DNAAF5: variants seen among roughly 807,000 people sequenced by gnomAD.
DNAAF5 encodes the protein HEAT repeat containing 2.
A neutral mutation model predicts 75.8 loss-of-function variants in DNAAF5; 64 were observed. That is an observed-to-expected ratio of 0.84 (90% CI 0.69 to 1.04). The LOEUF is 1.04. Among genes scored for constraint, DNAAF5 ranks in the 50% least tolerant of loss-of-function variants. The probability of loss-of-function intolerance (pLI) is 0.00; values close to 1 mark genes in which losing one functional copy is unlikely to be tolerated. For synonymous variants in DNAAF5, 657 were observed against 557.2 expected, an observed-to-expected ratio of 1.18 and a Z score of -2.52; for missense variants, 1,269 against 1,178.5, an observed-to-expected ratio of 1.08 and a Z score of -1.12.
Position 740,538 on chromosome 7 carries a change from G to T in DNAAF5, c.781-281G>T, listed in dbSNP as rs553054013. ...CGCCAACAGGACCAGGCCGGGGCAC[G>T]GGGTATGTGTGTGTGAGCCTGCAGG... On this transcript the variant is annotated intron_variant, in intron 2 of 12. Coordinates refer to ENST00000297440, the MANE Select transcript of DNAAF5 (RefSeq NM_017802.4). Among the ~76,000 whole-genome samples, 972 of 152,314 alleles carry T rather than the reference G, an allele frequency of 6.4e-3. 13 individuals are homozygous for T. The highest frequency in any genetic ancestry group is 0.022 in the African/African-American group (932 of 41,578).
chr7:774,005 A>T, intron 9 of DNAAF5, 43 bp from the exon 10 acceptor site: 5 of 1,612,152 alleles, frequency 3.1e-6, no homozygotes, highest in Non-Finnish European at 4.2e-6. Context: ...TCTTCCGAGC[A>T]CCTGTCCGGT....
chr7:761,631 C>A, intron 6 of DNAAF5, 122 bp from the exon 7 acceptor site: 1 of 994,350 alleles, frequency 1.0e-6, no homozygotes, highest in Non-Finnish European at 1.4e-6. Flanking sequence ...TGATTCAGTT[C>A]CCTCCCACAG....
chr7:775,074 G>A lies in DNAAF5; in HGVS notation c.2151G>A (p.Thr717=), dbSNP rs199762403. Residue 717 remains threonine (T), a synonymous_variant, in exon 11 of 13, where the codon ACG becomes ACA. Transcript: ENST00000297440. ...CCCTGGAGGAGGATTCGAAGATGAC[G>A]CGACTGATCTCATGCCGTATTATCA... ...LTTLEEDSKM[T]RLISCRIINT... is the part of the protein sequence containing the mutation. 17 of 1,614,016 alleles carry A rather than the reference G, an allele frequency of 1.1e-5. No homozygotes were observed. Among genetic ancestry groups the A allele is most frequent in the South Asian group, 2.2e-5 (2 of 91,072 alleles).
intron 12 of DNAAF5, among the ~76,000 whole-genome samples, chr7:782,757 C>G: frequency 7.1e-6 from 1 of 141,266 alleles, no homozygotes; most frequent in East Asian, 2.2e-4. Context: ...GCGTCAGAAA[C>G]TCGATCTTCC....
At chr7:728,995 CTT>C (rs398003363) in intron 1 of DNAAF5, among the ~76,000 whole-genome samples, 15 of 125,540 alleles carry the variant, frequency 1.2e-4, no homozygotes, top group African/African-American at 1.8e-4. Context: ...TTGGTTCTGA[CTT>C]TTTTTTTTTT....
At chr7:783,075 C>T (rs111817573) in intron 12 of DNAAF5, among the ~76,000 whole-genome samples, 1,997 of 152,366 alleles carry the variant, frequency 0.013, 48 homozygotes, top group African/African-American at 0.042. Context: ...TGTGTGAGAG[C>T]TTGACTTGTA....
intron 1 of DNAAF5, among the ~76,000 whole-genome samples, chr7:729,059 C>T (rs935203012): frequency 2.2e-5 from 3 of 137,618 alleles, no homozygotes; most frequent in South Asian, 4.6e-4. Context: ...TGCAGTGGGG[C>T]GATCTCAGCT....
intron 12 of DNAAF5, among the ~76,000 whole-genome samples, chr7:782,679 C>T (rs112692105): frequency 8.9e-6 from 1 of 112,324 alleles, no homozygotes; most frequent in Admixed American, 8.4e-5. Context: ...ATCTTCCTGG[C>T]GTGGCCGCCT....
intron 7 of DNAAF5, among the ~76,000 whole-genome samples, chr7:762,332 A>G (rs1040272029): frequency 2.0e-5 from 3 of 151,996 alleles, no homozygotes; most frequent in Non-Finnish European, 4.4e-5. Flanking sequence ...CTAAAAATAC[A>G]AAAAATTAGC....
At position 774,067 on chromosome 7, in the gene DNAAF5, G is replaced by A. The variant is rs746765259; in HGVS notation, c.1951G>A (p.Glu651Lys). 6.2e-7 allele frequency: 1 copy of A among 1,614,048 alleles called. No homozygotes were observed. Among genetic ancestry groups the A allele is most frequent in the Admixed American group, 1.7e-5 (1 of 60,020 alleles). ...NSQGQFPSYL[E>K]TVTKDILAPN... ...TTCCAGGCAGTTTCCCAGCTACCTC[G>A]AGACGGTGACAAAGGACATCCTGGC... The change falls in exon 10 of 13, where the codon GAG becomes AAG. Residue 651 changes from glutamate (E) to lysine (K), a missense_variant. By Grantham distance (56) the Glu-to-Lys change is moderately conservative (BLOSUM62 1). Transcript: ENST00000297440.
At chr7:765,745 G>C (rs1332635740) in intron 8 of DNAAF5, among the ~76,000 whole-genome samples, 1 of 152,164 alleles carries the variant, frequency 6.6e-6, no homozygotes, top group Non-Finnish European at 1.5e-5. Context: ...CTGTCACCCA[G>C]GCTGGAGTGC....
intron 8 of DNAAF5, among the ~76,000 whole-genome samples, chr7:769,762 G>A (rs1778490531): frequency 6.6e-6 from 1 of 152,024 alleles, no homozygotes; most frequent in Non-Finnish European, 1.5e-5. Context: ...GGTTCAAGCA[G>A]TCAAGCAGCT....
rs190318441 is a variant in DNAAF5 at position 753,795 on chromosome 7, G to A, written c.1025-794G>A. 7.4e-3 allele frequency among the ~76,000 whole-genome samples: 1,074 copies of A among 145,752 alleles called. 11 individuals are homozygous for A. Among genetic ancestry groups the A allele is most frequent in the Middle Eastern group, 0.02 (5 of 252 alleles). ...AGGCGTGTCTCTCTCATCATATGGCGATGGCTTCGCAGGCGTGTCTCTCTC... is the reference window on the plus strand; with the variant it reads ...AGGCGTGTCTCTCTCATCATATGGCAATGGCTTCGCAGGCGTGTCTCTCTC... On this transcript the variant is annotated intron_variant, in intron 4 of 12. Transcript: ENST00000297440.
chr7:768,286 G>A (rs540214547), intron 8 of DNAAF5, among the ~76,000 whole-genome samples: 65 of 150,874 alleles, frequency 4.3e-4, no homozygotes, highest in Non-Finnish European at 7.5e-4. Context: ...GGGGAGACAC[G>A]TGGTCTGGGC....
intron 12 of DNAAF5, among the ~76,000 whole-genome samples, chr7:783,753 C>A (rs1210530945): frequency 6.6e-6 from 1 of 151,934 alleles, no homozygotes; most frequent in Non-Finnish European, 1.5e-5. Flanking sequence ...CCCAGCCCTG[C>A]CTGCGCCCTC....
At chr7:776,206 C>T (rs1344357937) in intron 11 of DNAAF5, among the ~76,000 whole-genome samples, 1 of 151,984 alleles carries the variant, frequency 6.6e-6, no homozygotes, top group Non-Finnish European at 1.5e-5. Flanking sequence ...CATGGTGGTG[C>T]GCGCCTGTAG....
intron 8 of DNAAF5, among the ~76,000 whole-genome samples, chr7:766,994 C>T (rs1219845886): frequency 6.6e-6 from 1 of 151,990 alleles, no homozygotes; most frequent in Non-Finnish European, 1.5e-5. Flanking sequence ...AATCCCAGCA[C>T]TTTGGGAGGC....
Position 785,526 on chromosome 7 carries a change from AAG to A in DNAAF5, c.2444_2445del (p.Glu815GlyfsTer74). On this transcript the variant is annotated frameshift_variant, in exon 13 of 13. Coordinates refer to ENST00000297440, the MANE Select transcript of DNAAF5 (RefSeq NM_017802.4). LOFTEE classifies it high-confidence loss of function. ...TTTTTCTGTTTTACAGAGGTCCTCAAAGAGGGCAGCGGGCTGTTCCCAGATCT... is the reference window on the plus strand; with the variant it reads ...TTTTTCTGTTTTACAGAGGTCCTCAAAGGGCAGCGGGCTGTTCCCAGATCT... 1.2e-6 allele frequency: 2 copies of A among 1,613,744 alleles called. No individual in the cohort carries two copies. Among genetic ancestry groups the A allele is most frequent in the Non-Finnish European group, 1.7e-6 (2 of 1,179,918 alleles).
At chr7:733,209 A>T (rs1226761131) in intron 2 of DNAAF5, among the ~76,000 whole-genome samples, 1 of 152,168 alleles carries the variant, frequency 6.6e-6, no homozygotes, top group Non-Finnish European at 1.5e-5. Flanking sequence ...GAAGTCAGGT[A>T]ATGTGATCCC....
Sources: allele counts gnomAD v4.1 joint callset (sites outside exome capture counted in the v4.1 genomes callset), GRCh38; gene constraint gnomAD v4.1.1; transcripts MANE v1.5; gene names NCBI Gene and HGNC (gene_info 2026-07-23, HGNC 2026-07-21).